CPE: variants seen among roughly 807,000 people sequenced by gnomAD.
CPE encodes carbocypeptidase E.
Under a neutral mutation model 53.5 loss-of-function variants are expected in CPE, and 17 were observed. The observed-to-expected ratio is 0.32, with a 90% confidence interval of 0.22 to 0.48. The LOEUF (loss-of-function observed/expected upper bound fraction) is 0.48. CPE is among the 20% of genes least tolerant of loss of function. The pLI is 0.99. For missense variants in CPE, 524 were observed against 614.7 expected, an observed-to-expected ratio of 0.85 and a Z score of 1.56; for synonymous variants, 226 against 228.8, an observed-to-expected ratio of 0.99 and a Z score of 0.11.
At chr4:165,492,286 C>T (rs569295100) in intron 6 of CPE, among the ~76,000 whole-genome samples, 1 of 152,284 alleles carries the variant, frequency 6.6e-6, no homozygotes, top group East Asian at 1.9e-4. Flanking sequence ...AAAGCAGTCA[C>T]AGTATATATC....
At chr4:165,465,688 A>G (rs935174773) in intron 2 of CPE, among the ~76,000 whole-genome samples, 2 of 152,152 alleles carry the variant, frequency 1.3e-5, no homozygotes, top group Non-Finnish European at 2.9e-5. Context: ...TGAAGAGTTT[A>G]AACGGGAGAG....
intron 1 of CPE, among the ~76,000 whole-genome samples, chr4:165,435,532 A>G (rs986841486): frequency 2.0e-5 from 3 of 152,192 alleles, no homozygotes; most frequent in African/African-American, 7.2e-5. Context: ...TGGAAAGTAA[A>G]ATAGAATTTT....
At chr4:165,456,096 AATTAT>A (rs1230844331) in intron 1 of CPE, among the ~76,000 whole-genome samples, 2 of 152,188 alleles carry the variant, frequency 1.3e-5, no homozygotes, top group Non-Finnish European at 2.9e-5. Context: ...TGGGAATGGA[AATTAT>A]ATTGCCTTTT....
chr4:165,469,969 A>G (rs1732173433), intron 3 of CPE, among the ~76,000 whole-genome samples: 1 of 152,176 alleles, frequency 6.6e-6, no homozygotes, highest in Non-Finnish European at 1.5e-5. Flanking sequence ...TCCTGCCTAT[A>G]TATGGGATTC....
chr4:165,435,441 A>G (rs1288505009), intron 1 of CPE, among the ~76,000 whole-genome samples: 3 of 152,232 alleles, frequency 2.0e-5, no homozygotes, highest in Non-Finnish European at 2.9e-5. Flanking sequence ...TAACCAATTT[A>G]TTAGTGGAAC....
chr4:165,405,048 C>G (rs1730930622), intron 1 of CPE: 3 of 721,488 alleles, frequency 4.2e-6, no homozygotes, highest in South Asian at 3.1e-5. Context: ...GTCTGTCTTT[C>G]AAAACCTTGG....
chr4:165,390,080 G>A (rs899867945), intron 1 of CPE, among the ~76,000 whole-genome samples: 1 of 152,134 alleles, frequency 6.6e-6, no homozygotes, highest in African/African-American at 2.4e-5. Flanking sequence ...AAGCACACCT[G>A]CTTCTCCAGC....
At chr4:165,384,727 C>T (rs1396826080) in intron 1 of CPE, among the ~76,000 whole-genome samples, 2 of 152,158 alleles carry the variant, frequency 1.3e-5, no homozygotes, top group African/African-American at 4.8e-5. Flanking sequence ...ATTCATTTGT[C>T]ACATGAGACT....
At chr4:165,403,709 ATG>A (rs1242038464) in intron 1 of CPE, among the ~76,000 whole-genome samples, 2 of 99,028 alleles carry the variant, frequency 2.0e-5, no homozygotes, top group Non-Finnish European at 4.3e-5. Context: ...TTTTATTGTT[ATG>A]TGTTTGTCTG....
chr4:165,384,054 G>A (rs1283484984), intron 1 of CPE, among the ~76,000 whole-genome samples: 1 of 152,216 alleles, frequency 6.6e-6, no homozygotes, highest in East Asian at 1.9e-4. Flanking sequence ...AGAGGTGGCA[G>A]ACGACTCATT....
chr4:165,409,400 C>T (rs371719923), intron 1 of CPE, among the ~76,000 whole-genome samples: 1 of 152,046 alleles, frequency 6.6e-6, no homozygotes, highest in African/African-American at 2.4e-5. Context: ...GACAGGGTTT[C>T]GCCATGTTGG....
At chr4:165,471,727 A>G (rs1324551002) in intron 3 of CPE, among the ~76,000 whole-genome samples, 1 of 152,216 alleles carries the variant, frequency 6.6e-6, no homozygotes. Context: ...TAGGCCTGTC[A>G]GAAAGTGACA....
intron 1 of CPE, among the ~76,000 whole-genome samples, chr4:165,426,022 C>G (rs576569308): frequency 2.0e-5 from 3 of 152,252 alleles, no homozygotes; most frequent in African/African-American, 7.2e-5. Context: ...TTCTGTATTG[C>G]TCTCTCTGTT....
At chr4:165,384,317 C>T (rs1251505718) in intron 1 of CPE, among the ~76,000 whole-genome samples, 2 of 152,164 alleles carry the variant, frequency 1.3e-5, no homozygotes, top group Non-Finnish European at 2.9e-5. Context: ...TAGATTCGTA[C>T]TGTATAAGAT....
chr4:165,410,193 G>A (rs1731014717), intron 1 of CPE, among the ~76,000 whole-genome samples: 1 of 148,998 alleles, frequency 6.7e-6, no homozygotes, highest in Non-Finnish European at 1.5e-5. Context: ...AGTTTGCAGT[G>A]AGCCAAGATT....
Position 165,471,828 on chromosome 4 carries a change from A to G in CPE, c.672+3973A>G, listed in dbSNP as rs1194109480. 3.9e-5 allele frequency among the ~76,000 whole-genome samples: 6 copies of G among 152,234 alleles called. No individual in the cohort carries two copies. The South Asian group carries it at 8.3e-4, about 21-fold the overall frequency. ...TTCCCAAGGGGTTTTTATTGGCTCTATAAGTCAAATTTGATTCCTTAAAGG... is the reference window on the plus strand; with the variant it reads ...TTCCCAAGGGGTTTTTATTGGCTCTGTAAGTCAAATTTGATTCCTTAAAGG... On this transcript the variant is annotated intron_variant, in intron 3 of 8. Transcript: ENST00000402744.
intron 1 of CPE, among the ~76,000 whole-genome samples, chr4:165,386,958 C>T (rs769646018): frequency 3.9e-5 from 6 of 152,180 alleles, no homozygotes; most frequent in African/African-American, 1.2e-4. Context: ...ATCCGAGCTA[C>T]GTGATGGGTC....
chr4:165,497,386 T>A, intron 8 of CPE, 126 bp from the exon 9 acceptor site: 3 of 447,390 alleles, frequency 6.7e-6, no homozygotes, highest in Non-Finnish European at 1.1e-5. Context: ...AGAGATTTTA[T>A]TTCAGGATTT....
intron 2 of CPE, among the ~76,000 whole-genome samples, chr4:165,466,357 G>A (rs1732103779): frequency 6.6e-6 from 1 of 152,182 alleles, no homozygotes; most frequent in Admixed American, 6.5e-5. Context: ...GGAGCCAGAA[G>A]TTGCTCTGGG....
Sources: allele counts gnomAD v4.1 joint callset (sites outside exome capture counted in the v4.1 genomes callset), GRCh38; gene constraint gnomAD v4.1.1; transcripts MANE v1.5; gene names NCBI Gene and HGNC (gene_info 2026-07-23, HGNC 2026-07-21).